The following TM9SF4 variants were observed in gnomAD, a reference collection of about 807,000 sequenced individuals.
TM9SF4 encodes the protein dinucleotide oxidase disulfide thiol exchanger 3 superfamily member 4.
In TM9SF4, 26 loss-of-function variants were observed where a neutral mutation model predicts 90.4. That is an observed-to-expected ratio of 0.29 (90% CI 0.21 to 0.40). The LOEUF (loss-of-function observed/expected upper bound fraction) is 0.40, where lower values mean the gene tolerates loss of function less well. Ranked by LOEUF, TM9SF4 falls within the 10% of genes least tolerant of loss-of-function variation. TM9SF4 has a pLI of 1.00. For synonymous variants in TM9SF4, 293 were observed against 315.4 expected (o/e 0.93, Z 0.75); for missense variants, 549 against 834.8 (o/e 0.66, Z 4.22).
chr20:32,152,836 A>C (rs2046862529), intron 12 of TM9SF4, among the ~76,000 whole-genome samples: 1 of 152,196 alleles, frequency 6.6e-6, no homozygotes, highest in African/African-American at 2.4e-5. Flanking sequence ...CATGAGACCT[A>C]AGTAGCACTT....
intron 1 of TM9SF4, among the ~76,000 whole-genome samples, chr20:32,119,951 A>C (rs1245332904): frequency 3.9e-5 from 6 of 152,174 alleles, no homozygotes; most frequent in African/African-American, 1.2e-4. Context: ...AGCTTTGTTG[A>C]AAATCAATTT....
At chr20:32,113,769 T>C (rs1251177943) in intron 1 of TM9SF4, among the ~76,000 whole-genome samples, 2 of 152,250 alleles carry the variant, frequency 1.3e-5, no homozygotes, top group Non-Finnish European at 2.9e-5. Context: ...TTATCACCAT[T>C]GTGTAATTCG....
At chr20:32,123,780 T>C (rs2122341486) in intron 1 of TM9SF4, among the ~76,000 whole-genome samples, 1 of 149,082 alleles carries the variant, frequency 6.7e-6, no homozygotes, top group East Asian at 1.9e-4. Flanking sequence ...CTTGTAAGTC[T>C]TTTATGTTCT....
Position 32,165,318 on chromosome 20 carries a change from C to G in TM9SF4, c.1803C>G (p.Pro601=), listed in dbSNP as rs754040354. ...AGCTGGACATCGTGGAGTTCATCCC[C>G]TCTCTCCTCTACTTTGGCTACACGG... The part of the protein sequence containing the change: ...VNKLDIVEFI[P]SLLYFGYTAL... The change falls in exon 18 of 18, where the codon CCC becomes CCG. Residue 601 remains proline, a synonymous_variant. Transcript: ENST00000398022. 6.2e-7 allele frequency: 1 copy of G among 1,614,206 alleles called. No homozygotes were observed. Among genetic ancestry groups the G allele is most frequent in the South Asian group, 1.1e-5 (1 of 91,086 alleles).
rs1425245841 is a variant in TM9SF4 at position 32,159,999 on chromosome 20, G to T, written c.1577G>T (p.Trp526Leu). ...IELFFIFSAIWENQFYYLFGF... is the reference protein window; with the variant it reads ...IELFFIFSAILENQFYYLFGF... Reference sequence around the variant, plus strand: ...CCCACTGTGTGTCCACAGGCTATCTGGGAGAATCAGTTCTATTACCTCTTT... The same window carrying T: ...CCCACTGTGTGTCCACAGGCTATCTTGGAGAATCAGTTCTATTACCTCTTT... The change falls in exon 16 of 18, where the codon TGG (tryptophan) becomes TTG (leucine). Residue 526 changes from tryptophan (W) to leucine (L), a missense_variant. This residue lies in a region of TM9SF4 where 495 missense variants were observed against 711.7 expected (regional missense o/e 0.70). Transcript: ENST00000398022. 1 of 1,614,224 alleles carries T rather than the reference G, an allele frequency of 6.2e-7. No homozygotes were observed. Among genetic ancestry groups the T allele is most frequent in the South Asian group, 1.1e-5 (1 of 91,078 alleles).
intron 12 of TM9SF4, among the ~76,000 whole-genome samples, chr20:32,151,729 T>G (rs963080796): frequency 6.6e-6 from 1 of 152,220 alleles, no homozygotes. Context: ...TTGCCCAGGC[T>G]GGAGTACAAT....
At chr20:32,158,733 A>G (rs1037265931) in intron 15 of TM9SF4, among the ~76,000 whole-genome samples, 1 of 152,184 alleles carries the variant, frequency 6.6e-6, no homozygotes, top group African/African-American at 2.4e-5. Flanking sequence ...CTGTAATTTC[A>G]GCACTTTGGG....
chr20:32,162,231 C>T (rs183772829), intron 17 of TM9SF4, among the ~76,000 whole-genome samples: 19 of 152,152 alleles, frequency 1.2e-4, no homozygotes, highest in African/African-American at 3.1e-4. Flanking sequence ...GGCAGTCAGG[C>T]GTATTTGCAA....
At chr20:32,146,390 G>A (rs1447124408) in intron 8 of TM9SF4, among the ~76,000 whole-genome samples, 2 of 152,180 alleles carry the variant, frequency 1.3e-5, no homozygotes, top group African/African-American at 4.8e-5. Flanking sequence ...AGGATAGCTT[G>A]AAGAAAGGCG....
intron 1 of TM9SF4, among the ~76,000 whole-genome samples, chr20:32,114,132 T>C (rs7272371): frequency 0.015 from 2,243 of 152,314 alleles, 47 homozygotes; most frequent in African/African-American, 0.049. Flanking sequence ...GTGTAAGTTC[T>C]TGTGTGAACA....
intron 17 of TM9SF4, among the ~76,000 whole-genome samples, chr20:32,163,256 AAAAAAAAAAAAAATATATATAT>A (rs1319638139): frequency 5.1e-5 from 4 of 78,442 alleles, no homozygotes; most frequent in African/African-American, 1.2e-4. Context: ...AAAAAAAAAA[AAAAAAAAAAAAAATATATATAT>A]ATATATATAT....
intron 1 of TM9SF4, among the ~76,000 whole-genome samples, chr20:32,113,050 T>C (rs999885226): frequency 6.6e-6 from 1 of 152,032 alleles, no homozygotes; most frequent in East Asian, 1.9e-4. Context: ...TTCATAACCA[T>C]TGGGGCGAGG....
intron 13 of TM9SF4, among the ~76,000 whole-genome samples, chr20:32,156,580 A>G (rs541425468): frequency 6.6e-6 from 1 of 152,200 alleles, no homozygotes; most frequent in Non-Finnish European, 1.5e-5. Context: ...GTTATACTAT[A>G]TTGTTTTTTA....
intron 1 of TM9SF4, among the ~76,000 whole-genome samples, chr20:32,122,570 G>A (rs2046339957): frequency 1.5e-5 from 2 of 136,314 alleles, no homozygotes; most frequent in African/African-American, 2.7e-5. Context: ...CCCAGACGAT[G>A]GGCGGCTGGG....
rs199745389 is a variant in TM9SF4 at position 32,149,781 on chromosome 20, C to T, written c.1087+15C>T. ...CATCGTCATCTGTGAGTGTGCCCAG[C>T]GGGGCCGGGCATGGGGGCATGGCTT... On this transcript the variant is annotated intron_variant, in intron 10 of 17. Coordinates refer to ENST00000398022, the MANE Select transcript of TM9SF4 (RefSeq NM_014742.4). 211 of 1,613,074 alleles carry T rather than the reference C, an allele frequency of 1.3e-4. No homozygotes were observed. The highest frequency in any genetic ancestry group is 1.3e-4 in the East Asian group (6 of 44,866).
At chr20:32,123,867 T>TATATATATA (rs1555882288) in intron 1 of TM9SF4, among the ~76,000 whole-genome samples, 6 of 48,026 alleles carry the variant, frequency 1.2e-4, no homozygotes, top group East Asian at 3.7e-3. Flanking sequence ...TATATATATA[T>TATATATATA]TTTTTTTTTT....
At chr20:32,154,218 G>A (rs991510632) in intron 12 of TM9SF4, among the ~76,000 whole-genome samples, 10 of 150,276 alleles carry the variant, frequency 6.7e-5, no homozygotes, top group Admixed American at 5.3e-4. Context: ...GGCATGACTC[G>A]GCTCACTGCA....
At chr20:32,125,478 C>T (rs182101171) in intron 1 of TM9SF4, among the ~76,000 whole-genome samples, 1 of 152,178 alleles carries the variant, frequency 6.6e-6, no homozygotes, top group East Asian at 1.9e-4. Context: ...AGTGTGATTT[C>T]AAGAGCAGCA....
At chr20:32,115,663 C>G (rs1184116656) in intron 1 of TM9SF4, among the ~76,000 whole-genome samples, 1 of 152,144 alleles carries the variant, frequency 6.6e-6, no homozygotes, top group Non-Finnish European at 1.5e-5. Context: ...CTGGGCTAGA[C>G]TCCCAGCTCT....
Sources: allele counts gnomAD v4.1 joint callset (sites outside exome capture counted in the v4.1 genomes callset), GRCh38; gene constraint gnomAD v4.1.1; regional missense constraint gnomAD v4.1.1; transcripts MANE v1.5; gene names NCBI Gene and HGNC (gene_info 2026-07-23, HGNC 2026-07-21).